ELP4: variants seen among roughly 807,000 people sequenced by gnomAD.
ELP4 encodes elongator complex protein 4.
A neutral mutation model predicts 48.9 loss-of-function variants in ELP4; 51 were observed. The observed-to-expected ratio is 1.04, with a 90% CI of 0.83 to 1.32. The LOEUF is 1.32. Among genes scored for constraint, ELP4 ranks in the 40% most tolerant of loss-of-function variants. The pLI is 0.00. For missense variants in ELP4, 519 were observed against 514.6 expected (o/e 1.01, Z -0.08); for synonymous variants, 210 against 189.2 (o/e 1.11, Z -0.90).
chr11:31,622,364 TTTTTTTC>T (rs989906522), intron 5 of ELP4, among the ~76,000 whole-genome samples: 302 of 151,852 alleles, frequency 2.0e-3, no homozygotes, highest in African/African-American at 6.9e-3. Context: ...TTGAAGTGAC[TTTTTTTC>T]TTTTTTCTTA....
intron 9 of ELP4, among the ~76,000 whole-genome samples, chr11:31,681,303 G>A (rs1592218323): frequency 6.6e-6 from 1 of 152,168 alleles, no homozygotes; most frequent in East Asian, 1.9e-4. Flanking sequence ...AGCAAAAACA[G>A]GGTTTGATTT....
At chr11:31,750,554 G>T (rs932513423) in intron 9 of ELP4, among the ~76,000 whole-genome samples, 1 of 152,130 alleles carries the variant, frequency 6.6e-6, no homozygotes. Context: ...CTAGATGGAT[G>T]TGACATGTTG....
intron 9 of ELP4, among the ~76,000 whole-genome samples, chr11:31,736,956 C>T (rs1172829621): frequency 6.6e-6 from 1 of 152,204 alleles, no homozygotes; most frequent in Non-Finnish European, 1.5e-5. Context: ...ACCCAGCCAT[C>T]CCATTACTGG....
chr11:31,582,203 T>C (rs1957403856), intron 3 of ELP4, among the ~76,000 whole-genome samples: 1 of 152,232 alleles, frequency 6.6e-6, no homozygotes, highest in South Asian at 2.1e-4. Flanking sequence ...AATGTCTTCA[T>C]CTATATAAAA....
chr11:31,568,913 C>T (rs781169987), intron 3 of ELP4, among the ~76,000 whole-genome samples: 7 of 151,834 alleles, frequency 4.6e-5, no homozygotes, highest in Admixed American at 1.3e-4. Context: ...GGTGAAACCC[C>T]GTCTCTACTG....
intron 9 of ELP4, among the ~76,000 whole-genome samples, chr11:31,768,402 A>C (rs1948080998): frequency 6.6e-6 from 1 of 152,204 alleles, no homozygotes. Context: ...GATACTTTTC[A>C]TTCATTATGA....
chr11:31,731,122 CTG>C (rs1947177504), intron 9 of ELP4, among the ~76,000 whole-genome samples: 1 of 152,102 alleles, frequency 6.6e-6, no homozygotes, highest in African/African-American at 2.4e-5. Context: ...TCTGAAAAAA[CTG>C]AGAGAGGTGG....
chr11:31,536,375 G>A (rs971350895), intron 2 of ELP4, among the ~76,000 whole-genome samples: 4 of 151,910 alleles, frequency 2.6e-5, no homozygotes, highest in Admixed American at 1.3e-4. Context: ...TGTTTGAGAC[G>A]GCGTCTTGCT....
chr11:31,775,186 C>G (rs1948220211), intron 9 of ELP4, among the ~76,000 whole-genome samples: 1 of 152,192 alleles, frequency 6.6e-6, no homozygotes, highest in South Asian at 2.1e-4. Context: ...TATGTTCTAT[C>G]TTCCTTCACA....
At chr11:31,632,465 T>A in intron 7 of ELP4, 60 bp downstream of exon 7, 1 of 1,369,240 alleles carries the variant, frequency 7.3e-7, no homozygotes. Context: ...GACATTGTGG[T>A]TTTAGTTTGC....
intron 9 of ELP4, among the ~76,000 whole-genome samples, chr11:31,773,725 G>A (rs2134274508): frequency 6.6e-6 from 1 of 152,298 alleles, no homozygotes; most frequent in South Asian, 2.1e-4. Flanking sequence ...TCTTGTTTCT[G>A]TTCCATTTTT....
chr11:31,732,760 G>A (rs1222163165), intron 9 of ELP4, among the ~76,000 whole-genome samples: 2 of 152,154 alleles, frequency 1.3e-5, no homozygotes, highest in African/African-American at 4.8e-5. Context: ...AGTAGGAGTA[G>A]CCATACTTTT....
At chr11:31,688,216 A>G (rs1026862643) in intron 9 of ELP4, among the ~76,000 whole-genome samples, 17 of 152,170 alleles carry the variant, frequency 1.1e-4, no homozygotes, top group African/African-American at 4.1e-4. Flanking sequence ...TCTACAAAGA[A>G]TGGTGTTATG....
intron 3 of ELP4, among the ~76,000 whole-genome samples, chr11:31,562,049 A>G (rs1178009964): frequency 6.6e-6 from 1 of 152,180 alleles, no homozygotes; most frequent in Non-Finnish European, 1.5e-5. Context: ...TGGAAGTGCT[A>G]TTTATGTTAT....
chr11:31,762,267 G>A (rs1404888660), intron 9 of ELP4, among the ~76,000 whole-genome samples: 3 of 152,058 alleles, frequency 2.0e-5, no homozygotes, highest in African/African-American at 7.2e-5. Flanking sequence ...CTGAGATTGA[G>A]GCAAAGTAGT....
intron 5 of ELP4, among the ~76,000 whole-genome samples, chr11:31,621,747 TAAA>T: frequency 6.6e-6 from 1 of 151,932 alleles, no homozygotes; most frequent in African/African-American, 2.4e-5. Context: ...AATCTCTTCC[TAAA>T]ACTATGCACC....
chr11:31,650,942 CAGCCAAG>C (rs1187525703), intron 9 of ELP4: 3 of 151,462 alleles, frequency 2.0e-5, no homozygotes, highest in African/African-American at 2.4e-5. Context: ...AGACATAAAA[CAGCCAAG>C]CAGCCTTGAC....
chr11:31,534,375 C>T (rs768476922), intron 2 of ELP4, among the ~76,000 whole-genome samples: 5 of 151,704 alleles, frequency 3.3e-5, no homozygotes, highest in African/African-American at 4.8e-5. Context: ...ACATTTGGTG[C>T]AAGAAAATGA....
intron 3 of ELP4, among the ~76,000 whole-genome samples, chr11:31,591,346 C>T (rs1957566905): frequency 7.5e-6 from 1 of 132,508 alleles, no homozygotes; most frequent in Non-Finnish European, 1.5e-5. Flanking sequence ...GTGGAGCTTG[C>T]AGTGAGCCGA....
Sources: gnomAD v4.1 joint callset for allele counts (sites outside exome capture counted in the v4.1 genomes callset) on GRCh38, gnomAD v4.1.1 for gene constraint, MANE v1.5 for transcripts, NCBI Gene and HGNC (gene_info 2026-07-23, HGNC 2026-07-21) for gene names.